The following LRP1B variants were observed in gnomAD, a reference collection of about 807,000 sequenced individuals.
LRP1B encodes the protein LDL receptor related protein 1B.
A neutral mutation model predicts 556.6 loss-of-function variants in LRP1B; 217 were observed. The ratio of observed to expected loss-of-function variants is 0.39; its 90% CI spans 0.35 to 0.44. The LOEUF is 0.44. Ranked by LOEUF, LRP1B falls within the 20% of genes least tolerant of loss-of-function variation. The pLI, the probability that LRP1B is intolerant of heterozygous loss-of-function variation, is 1.00. For synonymous variants in LRP1B, 2,047 were observed against 1,865.8 expected, an observed-to-expected ratio of 1.10 and a Z score of -2.50; for missense variants, 5,053 against 5,620.8, an observed-to-expected ratio of 0.90 and a Z score of 3.23.
At chr2:140,988,910 T>C (rs2105351782) in intron 17 of LRP1B, among the ~76,000 whole-genome samples, 1 of 152,252 alleles carries the variant, frequency 6.6e-6, no homozygotes, top group Non-Finnish European at 1.5e-5. Context: ...TTTTTCAACA[T>C]TTATCTGATT....
intron 1 of LRP1B, among the ~76,000 whole-genome samples, chr2:141,985,206 A>G (rs1398973303): frequency 6.6e-6 from 1 of 152,148 alleles, no homozygotes; most frequent in Non-Finnish European, 1.5e-5. Flanking sequence ...AATATAGCAT[A>G]TAGTTAAATG....
chr2:140,516,342 T>C (rs10169675), intron 50 of LRP1B, among the ~76,000 whole-genome samples: 38,135 of 151,916 alleles, frequency 0.25, 5,356 homozygotes, highest in East Asian at 0.59. Flanking sequence ...AACATAATAT[T>C]TACATTGTAT....
chr2:141,193,964 A>C (rs972694325), intron 6 of LRP1B, among the ~76,000 whole-genome samples: 17 of 152,096 alleles, frequency 1.1e-4, no homozygotes, highest in African/African-American at 3.9e-4. Context: ...ATCCATGTTT[A>C]GATTGATGCA....
rs754065986 is a variant in LRP1B at position 140,495,595 on chromosome 2, C to A, written c.9004G>T (p.Asp3002Tyr). ...LCTDGYEIQP[D>Y]NPNGCKSLSD... The stretch of plus-strand genomic sequence containing the variant: ...AGCGATTTGCAGCCATTTGGGTTAT[C>A]AGGTTGTATTTCATACCCATCTGTA... Residue 3002 changes from aspartate (D) to tyrosine (Y), a missense_variant, in exon 56 of 91, where the codon GAT (aspartate) becomes TAT (tyrosine). This residue lies in a region of LRP1B where 3,619 missense variants were observed against 3,931.9 expected (regional missense o/e 0.92). Coordinates refer to ENST00000389484, the MANE Select transcript of LRP1B (RefSeq NM_018557.3). 4 of 1,595,702 alleles carry A rather than the reference C, an allele frequency of 2.5e-6. No individual in the cohort carries two copies. The South Asian group carries it at 3.4e-5, about 13-fold the overall frequency.
intron 21 of LRP1B, among the ~76,000 whole-genome samples, chr2:140,917,214 G>T (rs1321459233): frequency 4.6e-5 from 7 of 152,264 alleles, no homozygotes; most frequent in Non-Finnish European, 8.8e-5. Flanking sequence ...CAAGGATATA[G>T]AGCAGCAGAA....
chr2:142,076,368 T>A (rs1264542012), intron 1 of LRP1B, among the ~76,000 whole-genome samples: 1 of 152,140 alleles, frequency 6.6e-6, no homozygotes, highest in Non-Finnish European at 1.5e-5. Context: ...CTTATCCATT[T>A]AGAAAGAATT....
chr2:141,735,462 C>T (rs1198785609), intron 2 of LRP1B, among the ~76,000 whole-genome samples: 7 of 116,762 alleles, frequency 6.0e-5, no homozygotes, highest in African/African-American at 2.3e-4. Flanking sequence ...GAACTATAAG[C>T]AAATCAAGGC....
intron 83 of LRP1B, among the ~76,000 whole-genome samples, chr2:140,300,727 T>C (rs1007461772): frequency 7.9e-5 from 12 of 152,126 alleles, no homozygotes; most frequent in African/African-American, 2.9e-4. Context: ...TGGGGAAATA[T>C]GTGTTTGTAT....
chr2:140,295,037 C>T (rs926987774), intron 84 of LRP1B, among the ~76,000 whole-genome samples: 5 of 151,768 alleles, frequency 3.3e-5, no homozygotes, highest in African/African-American at 9.7e-5. Context: ...CCACTGCGCC[C>T]GGCTAGTTTT....
At chr2:140,545,385 C>T (rs1284658376) in intron 43 of LRP1B, among the ~76,000 whole-genome samples, 2 of 151,950 alleles carry the variant, frequency 1.3e-5, no homozygotes, top group African/African-American at 4.8e-5. Flanking sequence ...AATGGTATTG[C>T]CTAGCTTGTC....
chr2:140,767,660 T>A (rs1032414028), intron 35 of LRP1B, among the ~76,000 whole-genome samples: 5 of 151,548 alleles, frequency 3.3e-5, no homozygotes, highest in Non-Finnish European at 5.9e-5. Context: ...TTATTTTTTT[T>A]ATTATACTTT....
At chr2:140,249,145 C>T (rs17470100) in intron 86 of LRP1B, among the ~76,000 whole-genome samples, 5,902 of 151,484 alleles carry the variant, frequency 0.039, 126 homozygotes, top group South Asian at 0.085. Flanking sequence ...ATTACACTTT[C>T]GGAAAAGATT....
chr2:140,394,393 G>T (rs144485866), intron 66 of LRP1B, among the ~76,000 whole-genome samples: 64 of 152,114 alleles, frequency 4.2e-4, no homozygotes, highest in African/African-American at 1.5e-3. Context: ...CATTAGAGAG[G>T]CACTGAGGAG....
At chr2:141,222,058 G>T (rs1472861252) in intron 6 of LRP1B, among the ~76,000 whole-genome samples, 1 of 152,018 alleles carries the variant, frequency 6.6e-6, no homozygotes, top group Non-Finnish European at 1.5e-5. Flanking sequence ...GCTAGCAAAA[G>T]ACAAGAAATA....
chr2:140,283,685 C>T (rs566043105), intron 84 of LRP1B, among the ~76,000 whole-genome samples: 1 of 151,628 alleles, frequency 6.6e-6, no homozygotes, highest in African/African-American at 2.4e-5. Flanking sequence ...TTTTGACAAA[C>T]TGCCATTGTA....
chr2:140,295,383 T>A (rs1257715101), intron 84 of LRP1B, among the ~76,000 whole-genome samples: 1 of 152,192 alleles, frequency 6.6e-6, no homozygotes, highest in Non-Finnish European at 1.5e-5. Flanking sequence ...TAAACTACTT[T>A]AAATGTTTTC....
At chr2:141,001,805 T>C (rs1697434313) in intron 15 of LRP1B, among the ~76,000 whole-genome samples, 1 of 152,134 alleles carries the variant, frequency 6.6e-6, no homozygotes, top group South Asian at 2.1e-4. Flanking sequence ...CATATGCATG[T>C]GCATGTACTT....
At chr2:140,370,921 T>G (rs983130140) in intron 70 of LRP1B, 79 bp from the exon 71 acceptor site, 1 of 1,447,620 alleles carries the variant, frequency 6.9e-7, no homozygotes, top group African/African-American at 1.4e-5. Flanking sequence ...ATGCAGCTTG[T>G]AATACTAGAG....
chr2:142,015,997 A>AAAAAAAG (rs1703116943), intron 1 of LRP1B, among the ~76,000 whole-genome samples: 2 of 148,176 alleles, frequency 1.3e-5, no homozygotes, highest in African/African-American at 4.9e-5. Flanking sequence ...ATCTCAAAAA[A>AAAAAAAG]AAAAAAAAAA....
Sources: allele counts gnomAD v4.1 joint callset (sites outside exome capture counted in the v4.1 genomes callset), GRCh38; gene constraint gnomAD v4.1.1; regional missense constraint gnomAD v4.1.1; transcripts MANE v1.5; gene names NCBI Gene and HGNC (gene_info 2026-07-23, HGNC 2026-07-21).